Variants in CLN8 observed in about 807,000 individuals in gnomAD.
CLN8 encodes the protein CLN8 transmembrane ER and ERGIC protein.
In CLN8, 14 loss-of-function variants were observed where a neutral mutation model predicts 15.7. The observed-to-expected ratio is 0.89, with a 90% CI of 0.59 to 1.39. The LOEUF is 1.39. Ranked by LOEUF, CLN8 falls within the 40% of genes most tolerant of loss-of-function variation. The pLI is 0.00. For missense variants in CLN8, 415 were observed against 364.0 expected (o/e 1.14, Z -1.14); for synonymous variants, 188 against 151.0 (o/e 1.25, Z -1.80).
upstream of CLN8, chr8:1,762,412 G>A (rs1252451769): frequency 1.3e-5 from 2 of 152,094 alleles, no homozygotes; most frequent in African/African-American, 4.8e-5. Context: ...AAGATGGGTT[G>A]TTGATTTTAA....
chr8:1,761,814 A>T (rs1800804086), upstream of CLN8, among the ~76,000 whole-genome samples: 1 of 152,256 alleles, frequency 6.6e-6, no homozygotes, highest in African/African-American at 2.4e-5. Flanking sequence ...CTAATTCAGC[A>T]AGTGCAAGGT....
Position 1,765,585 on chromosome 8 carries a change from T to C in CLN8, c.-124+1700T>C, listed in dbSNP as rs374241854. ...CATGTAAATAGCTCTTGTCAGGTTATATTTCAGTCATTAATGCAGTATACA... is the reference window on the plus strand; with the variant it reads ...CATGTAAATAGCTCTTGTCAGGTTACATTTCAGTCATTAATGCAGTATACA... On this transcript the variant is annotated intron_variant, in intron 1 of 2. Transcript: ENST00000331222. Among the ~76,000 whole-genome samples, 16 of 152,352 alleles carry C rather than the reference T, an allele frequency of 1.1e-4. No homozygotes were observed. The South Asian group carries it at 3.3e-3, about 32-fold the overall frequency.
At chr8:1,779,547 A>T (rs947184267) in intron 2 of CLN8, among the ~76,000 whole-genome samples, 3 of 152,212 alleles carry the variant, frequency 2.0e-5, no homozygotes, top group African/African-American at 7.2e-5. Context: ...GCCTGGCCCA[A>T]GTTAGAATAT....
At position 1,763,831 on chromosome 8, in the gene CLN8, C is replaced by T. The variant is rs1304295516; in HGVS notation, c.-178C>T. Reference sequence around the variant, plus strand: ...AATGAGGTCAGTGACTGCCGGGAGTCCTGCAGGGGCGGGGCGGCGCCAAGC... The same window carrying T: ...AATGAGGTCAGTGACTGCCGGGAGTTCTGCAGGGGCGGGGCGGCGCCAAGC... On this transcript the variant is annotated 5_prime_UTR_variant, in exon 1 of 3. Transcript: ENST00000331222. 2 of 151,544 alleles carry T rather than the reference C, an allele frequency of 1.3e-5. No homozygotes were observed. Among genetic ancestry groups the T allele is most frequent in the Non-Finnish European group, 2.9e-5 (2 of 68,010 alleles). 9.4% of individuals were successfully genotyped at this position (151,544 alleles called of 1,614,324 possible).
chr8:1,763,135 C>T (rs1413342639), upstream of CLN8: 4 of 152,014 alleles, frequency 2.6e-5, no homozygotes, highest in Non-Finnish European at 5.9e-5. Context: ...TGTGTCCTCA[C>T]CGAGCCCCGG....
rs180910081 is a variant in CLN8 at position 1,768,995 on chromosome 8, G to A, written c.-123-1937G>A. Among the ~76,000 whole-genome samples, 190 of 152,322 alleles carry A rather than the reference G, an allele frequency of 1.2e-3. 1 individual carries two copies. Among genetic ancestry groups the A allele is most frequent in the Admixed American group, 8.6e-3 (131 of 15,304 alleles). On this transcript the variant is annotated intron_variant, in intron 1 of 2. Transcript: ENST00000331222. ...ATCCATAGCATCTATCAGAGAGCAC[G>A]CCTGTGTGCCCTGAACTCACGCACC... is the stretch of plus-strand genomic sequence containing the variant.
chr8:1,780,438 C>T lies in CLN8; in HGVS notation c.732C>T (p.Ile244=), dbSNP rs747778614. The T allele has an allele frequency of 6.2e-7, 1 of 1,614,246 alleles. No homozygotes were observed. The highest frequency in any genetic ancestry group is 1.1e-5 in the South Asian group (1 of 91,090). ...FLVGLALLTL[I]INPYWTHKKT... ...TCGGACTGGCTCTGCTTACGCTAAT[C>T]ATTAATCCATATTGGACCCATAAGA... Residue 244 remains isoleucine (I), a synonymous_variant, in exon 3 of 3, where the codon ATC becomes ATT. Coordinates refer to ENST00000331222, the MANE Select transcript of CLN8 (RefSeq NM_018941.4).
intron 2 of CLN8, among the ~76,000 whole-genome samples, chr8:1,774,806 G>A (rs193064018): frequency 7.2e-4 from 109 of 152,282 alleles, no homozygotes; most frequent in Non-Finnish European, 1.4e-3. Flanking sequence ...CAGCAACATG[G>A]CAAAACCTCG....
At chr8:1,774,532 G>C (rs1424595573) in intron 2 of CLN8, among the ~76,000 whole-genome samples, 4 of 152,056 alleles carry the variant, frequency 2.6e-5, no homozygotes, top group African/African-American at 9.7e-5. Flanking sequence ...CCCCCATCAA[G>C]GTCTGATTTG....
chr8:1,771,709 A>G (rs1801315045), intron 2 of CLN8, 112 bp downstream of exon 2: 5 of 925,990 alleles, frequency 5.4e-6, no homozygotes, highest in African/African-American at 4.9e-5. Flanking sequence ...CAGCACACAC[A>G]TTCAGTTACA....
chr8:1,759,232 T>G (rs1471032269), upstream of CLN8: 1 of 152,208 alleles, frequency 6.6e-6, no homozygotes, highest in East Asian at 1.9e-4. Context: ...TCTCTAAGGT[T>G]TACTTTGGAA....
intron 2 of CLN8, among the ~76,000 whole-genome samples, chr8:1,777,079 C>A (rs183664638): frequency 4.6e-5 from 7 of 152,280 alleles, no homozygotes; most frequent in African/African-American, 7.2e-5. Context: ...TCATAGAGTA[C>A]CTTTCTACAT....
chr8:1,768,064 CT>C (rs1180731130), intron 1 of CLN8, among the ~76,000 whole-genome samples: 5 of 151,922 alleles, frequency 3.3e-5, no homozygotes, highest in Non-Finnish European at 7.4e-5. Flanking sequence ...CTGCCTCAGC[CT>C]CCTGAGTAGC....
chr8:1,773,011 A>G (rs1801375014), intron 2 of CLN8: 2 of 398,424 alleles, frequency 5.0e-6, no homozygotes, highest in South Asian at 1.3e-4. Flanking sequence ...CAGTCCATCA[A>G]AAGTGCACTG....
intron 1 of CLN8, among the ~76,000 whole-genome samples, chr8:1,756,870 AC>A (rs1800683594): frequency 6.6e-6 from 1 of 151,918 alleles, no homozygotes; most frequent in Non-Finnish European, 1.5e-5. Flanking sequence ...TTTAGTAGAG[AC>A]GGGGTTTGAC....
intron 1 of CLN8, among the ~76,000 whole-genome samples, chr8:1,768,787 G>A (rs1453999795): frequency 2.0e-5 from 3 of 152,192 alleles, no homozygotes; most frequent in African/African-American, 7.2e-5. Flanking sequence ...ATGCCTTGCT[G>A]CACACTGAAT....
upstream of CLN8, chr8:1,759,600 C>A (rs1002705165): frequency 2.0e-5 from 3 of 152,230 alleles, no homozygotes; most frequent in East Asian, 5.8e-4. Flanking sequence ...GGGTCCAGGT[C>A]AGAGCCTTGA....
Position 1,771,025 on chromosome 8 carries a change from C to G in CLN8, c.-30C>G, listed in dbSNP as rs989562026. The G allele has an allele frequency of 6.2e-7, 1 of 1,612,766 alleles. No individual in the cohort carries two copies. The highest frequency in any genetic ancestry group is 8.5e-7 in the Non-Finnish European group (1 of 1,179,418). On this transcript the variant is annotated 5_prime_UTR_variant, in exon 2 of 3. Transcript: ENST00000331222. Reference sequence around the variant, plus strand: ...TGTAGGGCCCGGCCCGTGTTGGCCCCAGGACTCCTTTGGAATATAGCTGTG... The same window carrying G: ...TGTAGGGCCCGGCCCGTGTTGGCCCGAGGACTCCTTTGGAATATAGCTGTG...
At chr8:1,766,826 G>A (rs142457086) in intron 1 of CLN8, among the ~76,000 whole-genome samples, 185 of 152,366 alleles carry the variant, frequency 1.2e-3, no homozygotes, top group Non-Finnish European at 1.5e-3. Flanking sequence ...CCCATTTTGC[G>A]TATCAAGAGT....
Sources: gnomAD v4.1 joint callset for allele counts (sites outside exome capture counted in the v4.1 genomes callset) on GRCh38, gnomAD v4.1.1 for gene constraint, MANE v1.5 for transcripts, NCBI Gene and HGNC (gene_info 2026-07-23, HGNC 2026-07-21) for gene names.